TMEM132D: variants seen among roughly 807,000 people sequenced by gnomAD.
The protein encoded by TMEM132D is mature OL transmembrane protein.
Under a neutral mutation model 62.3 loss-of-function variants are expected in TMEM132D, and 21 were observed. The observed-to-expected ratio is 0.34, with a 90% CI of 0.24 to 0.49. The LOEUF (loss-of-function observed/expected upper bound fraction) is 0.49. TMEM132D is among the 20% of genes least tolerant of loss of function. The pLI is 0.99. For synonymous variants in TMEM132D, 621 were observed against 575.6 expected (o/e 1.08, Z -1.13); for missense variants, 1,346 against 1,402.8 (o/e 0.96, Z 0.65).
At chr12:129,532,480 A>G (rs1483954000) in intron 2 of TMEM132D, among the ~76,000 whole-genome samples, 1 of 152,198 alleles carries the variant, frequency 6.6e-6, no homozygotes, top group African/African-American at 2.4e-5. Flanking sequence ...AAAAAGCAGG[A>G]CACGTCTGTC....
At chr12:129,429,805 A>G (rs1162196413) in intron 3 of TMEM132D, among the ~76,000 whole-genome samples, 6 of 141,156 alleles carry the variant, frequency 4.3e-5, no homozygotes, top group Non-Finnish European at 6.1e-5. Context: ...TCATTGTTCA[A>G]TTCTCACCTG....
At chr12:129,357,453 G>A (rs146783538) in intron 3 of TMEM132D, among the ~76,000 whole-genome samples, 10 of 146,962 alleles carry the variant, frequency 6.8e-5, no homozygotes, top group African/African-American at 2.3e-4. Flanking sequence ...AAGAAAAAGC[G>A]AGCGAGCAAG....
At chr12:129,733,284 C>A (rs2137253730) in intron 1 of TMEM132D, among the ~76,000 whole-genome samples, 1 of 152,208 alleles carries the variant, frequency 6.6e-6, no homozygotes, top group South Asian at 2.1e-4. Flanking sequence ...AAAGATTTGC[C>A]CTTAGCCTGT....
intron 2 of TMEM132D, among the ~76,000 whole-genome samples, chr12:129,687,604 T>C (rs1464111413): frequency 6.6e-6 from 1 of 152,022 alleles, no homozygotes; most frequent in Non-Finnish European, 1.5e-5. Flanking sequence ...GAGGACATTT[T>C]TTTCCTAGCA....
chr12:129,888,932 C>G (rs1874832675), intron 1 of TMEM132D, among the ~76,000 whole-genome samples: 1 of 152,222 alleles, frequency 6.6e-6, no homozygotes, highest in African/African-American at 2.4e-5. Context: ...CTAGCCCATC[C>G]TTCTGGCCAC....
intron 1 of TMEM132D, among the ~76,000 whole-genome samples, chr12:129,808,844 A>G (rs1374363875): frequency 6.6e-6 from 1 of 152,208 alleles, no homozygotes; most frequent in African/African-American, 2.4e-5. Context: ...GAACACAAAG[A>G]TATTAGAGAA....
At position 129,686,857 on chromosome 12, in the gene TMEM132D, A is replaced by G. The variant is rs141688469; in HGVS notation, c.968+12953T>C. Among the ~76,000 whole-genome samples the G allele has an allele frequency of 2.4e-3, 367 of 152,262 alleles. 3 individuals are homozygous for G. The highest frequency in any genetic ancestry group is 8.5e-3 in the African/African-American group (354 of 41,544). ...GGGTTGAGACCCTGCTTCCCACAGGACCCCATCAATGGCCCTATCTCAACT... is the reference window on the plus strand; with the variant it reads ...GGGTTGAGACCCTGCTTCCCACAGGGCCCCATCAATGGCCCTATCTCAACT... On this transcript the variant is annotated intron_variant, in intron 2 of 8. Coordinates refer to ENST00000422113, the MANE Select transcript of TMEM132D (RefSeq NM_133448.3).
At chr12:129,700,952 T>C (rs1442578163) in intron 1 of TMEM132D, among the ~76,000 whole-genome samples, 1 of 152,154 alleles carries the variant, frequency 6.6e-6, no homozygotes, top group African/African-American at 2.4e-5. Context: ...TAAATACAAT[T>C]CAAATACAGT....
At chr12:129,677,674 G>T (rs1424499653) in intron 2 of TMEM132D, among the ~76,000 whole-genome samples, 2 of 151,926 alleles carry the variant, frequency 1.3e-5, no homozygotes, top group Non-Finnish European at 2.9e-5. Flanking sequence ...TATCATATAT[G>T]AACAGTTTAA....
chr12:129,484,823 AAAGAT>A (rs1172705884), intron 3 of TMEM132D, among the ~76,000 whole-genome samples: 2 of 152,256 alleles, frequency 1.3e-5, no homozygotes, highest in African/African-American at 4.8e-5. Flanking sequence ...AGAAAGAACA[AAAGAT>A]AAGAATTCAA....
At chr12:129,468,850 A>C (rs1437732629) in intron 3 of TMEM132D, among the ~76,000 whole-genome samples, 1 of 152,198 alleles carries the variant, frequency 6.6e-6, no homozygotes, top group African/African-American at 2.4e-5. Flanking sequence ...GATTTGATAA[A>C]TCAATTTTAA....
At chr12:129,486,902 T>C (rs1249830374) in intron 3 of TMEM132D, among the ~76,000 whole-genome samples, 1 of 152,128 alleles carries the variant, frequency 6.6e-6, no homozygotes, top group Admixed American at 6.5e-5. Context: ...GTCCTTGTCT[T>C]CATAGAGAAA....
chr12:129,325,919 G>A (rs538642831), intron 4 of TMEM132D, among the ~76,000 whole-genome samples: 5 of 152,312 alleles, frequency 3.3e-5, no homozygotes, highest in South Asian at 2.1e-4. Flanking sequence ...AGAGAAAGAC[G>A]ATGAAGTTCA....
At chr12:129,768,860 G>A (rs577458139) in intron 1 of TMEM132D, among the ~76,000 whole-genome samples, 21 of 152,346 alleles carry the variant, frequency 1.4e-4, no homozygotes, top group African/African-American at 2.6e-4. Context: ...AGGTGATACA[G>A]ATATATCGTG....
rs1486272868 is a variant in TMEM132D, at chr12:129,559,633, A to G, written c.969-28428T>C. On this transcript the variant is annotated intron_variant, in intron 2 of 8. Transcript: ENST00000422113. ...TTAATTTCATTCCTCTTCATCTAAC[A>G]TAGATGTCATGATGTAACCTAGAAT... 2.6e-5 allele frequency among the ~76,000 whole-genome samples: 4 copies of G among 152,348 alleles called. No individual in the cohort carries two copies. In the East Asian group the frequency reaches 7.7e-4, roughly 29 times the overall value.
At chr12:129,482,403 A>C (rs1164612699) in intron 3 of TMEM132D, among the ~76,000 whole-genome samples, 1 of 152,234 alleles carries the variant, frequency 6.6e-6, no homozygotes, top group African/African-American at 2.4e-5. Context: ...TTAAATGAAA[A>C]AGCATATTGC....
At position 129,287,748 on chromosome 12, in the gene TMEM132D, G is replaced by A. The variant is rs965446875; in HGVS notation, c.1299+49886C>T. On this transcript the variant is annotated intron_variant, in intron 4 of 8. Coordinates refer to ENST00000422113, the MANE Select transcript of TMEM132D (RefSeq NM_133448.3). ...TTTCATGGTATTCATGTTAAAAAAG[G>A]TTGATCTTTTGTGTGTGGCTATCTA... 2.6e-5 allele frequency among the ~76,000 whole-genome samples: 4 copies of A among 152,266 alleles called. 1 individual carries two copies. The East Asian group carries it at 7.7e-4, about 29-fold the overall frequency.
At position 129,391,960 on chromosome 12, in the gene TMEM132D, T is replaced by C. The variant is rs529392047; in HGVS notation, c.1116-54143A>G. 1.4e-4 allele frequency among the ~76,000 whole-genome samples: 22 copies of C among 152,264 alleles called. No individual in the cohort carries two copies. The East Asian group carries it at 4.1e-3, about 28-fold the overall frequency. ...TTAGTAGAGACAGGGTTTCACCATG[T>C]TGGCCAGGCTGGTCTCGAACTCCTG... On this transcript the variant is annotated intron_variant, in intron 3 of 8. Coordinates refer to ENST00000422113, the MANE Select transcript of TMEM132D (RefSeq NM_133448.3).
chr12:129,773,743 A>G (rs1053242550), intron 1 of TMEM132D, among the ~76,000 whole-genome samples: 1 of 152,212 alleles, frequency 6.6e-6, no homozygotes, highest in Non-Finnish European at 1.5e-5. Flanking sequence ...GGAATACTTC[A>G]TATTCACCAG....
Sources: allele counts gnomAD v4.1 joint callset (sites outside exome capture counted in the v4.1 genomes callset), GRCh38; gene constraint gnomAD v4.1.1; transcripts MANE v1.5; gene names NCBI Gene and HGNC (gene_info 2026-07-23, HGNC 2026-07-21).